Variants in NUP107 observed in about 807,000 individuals in gnomAD.
NUP107 encodes nuclear pore complex protein Nup107.
A neutral mutation model predicts 141.0 loss-of-function variants in NUP107; 101 were observed. The observed-to-expected ratio is 0.72, with a 90% CI of 0.61 to 0.84. The LOEUF (loss-of-function observed/expected upper bound fraction) is 0.84, where lower values mean the gene tolerates loss of function less well. Among genes scored for constraint, NUP107 ranks in the 40% least tolerant of loss-of-function variants. NUP107 has a pLI of 0.00. For missense variants in NUP107, 941 were observed against 1,102.7 expected, an observed-to-expected ratio of 0.85 and a Z score of 2.08; for synonymous variants, 319 against 363.9, an observed-to-expected ratio of 0.88 and a Z score of 1.41.
chr12:68,688,910 A>C lies in NUP107; in HGVS notation c.9-52A>C, dbSNP rs184430648. ...TCCAACTGTGATGATAAAATTCTTT[A>C]TAAATGCTATATTCTCGTTTCACTT... On this transcript the variant is annotated intron_variant, in intron 1 of 27. Transcript: ENST00000229179. 504 of 1,362,968 alleles carry C rather than the reference A, an allele frequency of 3.7e-4. 3 individuals are homozygous for C. Among genetic ancestry groups the C allele is most frequent in the East Asian group, 4.7e-5 (2 of 42,784 alleles). The allele number at this position is 1,362,968 out of a possible 1,614,324, so 84.4% of individuals were successfully genotyped here. A position where few individuals can be genotyped will look rare whatever the true frequency, so the allele number is the denominator to read the frequency against.
At chr12:68,730,702 T>C (rs1877785230) in intron 20 of NUP107, among the ~76,000 whole-genome samples, 1 of 152,200 alleles carries the variant, frequency 6.6e-6, no homozygotes, top group South Asian at 2.1e-4. Context: ...CAGGGGCCCA[T>C]GCCTGTAATC....
intron 12 of NUP107, among the ~76,000 whole-genome samples, chr12:68,717,193 C>T (rs1013114244): frequency 2.6e-5 from 4 of 152,206 alleles, no homozygotes; most frequent in East Asian, 3.9e-4. Flanking sequence ...CCACCACACC[C>T]GGCCATGGGA....
At chr12:68,693,188 C>G (rs1875900217) in intron 5 of NUP107, among the ~76,000 whole-genome samples, 1 of 151,960 alleles carries the variant, frequency 6.6e-6, no homozygotes. Flanking sequence ...AGTGATTCTC[C>G]TGCCTCAGTC....
intron 1 of NUP107, chr12:68,687,723 C>T: frequency 1.2e-6 from 1 of 828,828 alleles, no homozygotes; most frequent in Non-Finnish European, 1.5e-6. Context: ...TGAGTACCTA[C>T]TATGTGACTG....
At chr12:68,728,974 T>G (rs915058634) in intron 20 of NUP107, among the ~76,000 whole-genome samples, 1 of 152,166 alleles carries the variant, frequency 6.6e-6, no homozygotes, top group African/African-American at 2.4e-5. Context: ...TCTCTGCTTC[T>G]TGGGAGAACT....
Position 68,689,881 on chromosome 12 carries a change from A to G in NUP107, c.187+262A>G, listed in dbSNP as rs1875696180. 5 of 352,416 alleles carry G rather than the reference A, an allele frequency of 1.4e-5. No individual in the cohort carries two copies. The South Asian group carries it at 2.0e-4, about 14-fold the overall frequency. The allele number at this position is 352,416 out of a possible 1,614,324, so 21.8% of individuals were successfully genotyped here. A position where few individuals can be genotyped will look rare whatever the true frequency, so the allele number is the denominator to read the frequency against. The stretch of plus-strand genomic sequence containing the variant: ...GACTTAGAGAAGTTAACTAATATAT[A>G]CAATAAGTATGTAAATAGGCTGGAT... On this transcript the variant is annotated intron_variant, in intron 3 of 27. Transcript: ENST00000229179.
intron 1 of NUP107, 138 bp downstream of exon 1, chr12:68,687,211 G>GGA: frequency 7.9e-7 from 1 of 1,272,162 alleles, no homozygotes; most frequent in South Asian, 1.3e-5. Context: ...CCCCATGCCG[G>GGA]GAAATTTGGC....
At chr12:68,740,404 A>C (rs1878275747) in intron 26 of NUP107, among the ~76,000 whole-genome samples, 1 of 152,220 alleles carries the variant, frequency 6.6e-6, no homozygotes. Flanking sequence ...CCTTGTAAAG[A>C]AGCACTTTAA....
intron 22 of NUP107, chr12:68,732,427 T>G: frequency 2.6e-6 from 1 of 390,280 alleles, no homozygotes; most frequent in Non-Finnish European, 4.6e-6. Context: ...TGAGCCAGCA[T>G]GCCCAGCAGT....
At chr12:68,720,954 A>G (rs1877323657) in intron 14 of NUP107, among the ~76,000 whole-genome samples, 164 bp from the exon 15 acceptor site, 1 of 152,170 alleles carries the variant, frequency 6.6e-6, no homozygotes, top group Admixed American at 6.5e-5. Context: ...CATCACACTG[A>G]AGTTCTTCCT....
intron 8 of NUP107, chr12:68,706,528 C>CGT (rs1876589516): frequency 1.5e-6 from 1 of 676,734 alleles, no homozygotes; most frequent in Non-Finnish European, 2.7e-6. Flanking sequence ...TGGGATGACC[C>CGT]GTGGTGCACA....
rs1876478988 is a variant in NUP107, at chr12:68,704,421, T to G, written c.729+1637T>G. ...TCAAGATCAGATGCCTTTTTGGGGTTTAACTTCTTTATATTTTCTGTTTTT... is the reference window on the plus strand; with the variant it reads ...TCAAGATCAGATGCCTTTTTGGGGTGTAACTTCTTTATATTTTCTGTTTTT... On this transcript the variant is annotated intron_variant, in intron 8 of 27. Coordinates refer to ENST00000229179, the MANE Select transcript of NUP107 (RefSeq NM_020401.4). Among the ~76,000 whole-genome samples, 4 of 152,166 alleles carry G rather than the reference T, an allele frequency of 2.6e-5. No individual in the cohort carries two copies. In the South Asian group the frequency reaches 8.3e-4, roughly 31 times the overall value.
chr12:68,714,518 T>C (rs1180656991), intron 11 of NUP107: 3 of 152,274 alleles, frequency 2.0e-5, no homozygotes, highest in Admixed American at 1.3e-4. Flanking sequence ...AATTGAATTA[T>C]GTGTTTGCAA....
intron 1 of NUP107, 116 bp downstream of exon 1, chr12:68,687,189 C>T (rs2135992193): frequency 4.3e-6 from 6 of 1,401,900 alleles, no homozygotes; most frequent in Non-Finnish European, 6.0e-6. Flanking sequence ...GGTGCTTCCC[C>T]TAAGGCTCCT....
chr12:68,719,488 C>T, intron 13 of NUP107, 57 bp downstream of exon 13: 1 of 1,560,686 alleles, frequency 6.4e-7, no homozygotes, highest in Non-Finnish European at 8.8e-7. Flanking sequence ...GCTCTAAATG[C>T]CAATCTTTGT....
At chr12:68,735,562 A>G (rs1878032869) in intron 26 of NUP107, among the ~76,000 whole-genome samples, 1 of 152,234 alleles carries the variant, frequency 6.6e-6, no homozygotes, top group African/African-American at 2.4e-5. Flanking sequence ...TTCACAGAGG[A>G]TACAAAAATC....
At chr12:68,707,104 T>G in intron 8 of NUP107, 1 of 561,456 alleles carries the variant, frequency 1.8e-6, no homozygotes, top group Non-Finnish European at 3.2e-6. Context: ...GCCTACCCCT[T>G]CTGCGGCTGC....
intron 26 of NUP107, among the ~76,000 whole-genome samples, chr12:68,736,221 CT>C (rs1374660151): frequency 5.3e-5 from 8 of 152,016 alleles, no homozygotes; most frequent in Admixed American, 4.6e-4. Flanking sequence ...TTCTTGGTAT[CT>C]TTCCTTTTGC....
chr12:68,691,838 A>T, intron 4 of NUP107, 130 bp from the exon 5 acceptor site: 1 of 753,270 alleles, frequency 1.3e-6, no homozygotes, highest in Non-Finnish European at 2.0e-6. Flanking sequence ...TATCTCAAGA[A>T]GGGAAAAAAA....
Sources: allele counts gnomAD v4.1 joint callset (sites outside exome capture counted in the v4.1 genomes callset), GRCh38; gene constraint gnomAD v4.1.1; transcripts MANE v1.5; gene names NCBI Gene and HGNC (gene_info 2026-07-23, HGNC 2026-07-21).